The following MIX23 variants were observed in gnomAD, a reference collection of about 807,000 sequenced individuals.
The protein encoded by MIX23 is protein MIX23.
Under a neutral mutation model 21.6 loss-of-function variants are expected in MIX23, and 13 were observed. The observed-to-expected ratio is 0.60, with a 90% CI of 0.39 to 0.96. MIX23 has a LOEUF of 0.96. Ranked by LOEUF, MIX23 falls within the 40% of genes least tolerant of loss-of-function variation. The probability of loss-of-function intolerance (pLI) is 0.00; values close to 1 mark genes in which losing one functional copy is unlikely to be tolerated. For missense variants in MIX23, 144 were observed against 171.2 expected (o/e 0.84, Z 0.89); for synonymous variants, 59 against 58.0 (o/e 1.02, Z -0.08).
In MIX23 at chr3:122,362,966, A is replaced by G. The variant is rs1576229388; in HGVS notation, c.384+2T>C. 1.2e-6 allele frequency: 2 copies of G among 1,612,522 alleles called. No homozygotes were observed. Among genetic ancestry groups the G allele is most frequent in the Non-Finnish European group, 1.7e-6 (2 of 1,178,938 alleles). On this transcript the variant is annotated splice_donor_variant, in intron 4 of 4. Coordinates refer to ENST00000291458, the MANE Select transcript of MIX23 (RefSeq NM_001017928.4). LOFTEE classifies it high-confidence loss of function. ...TTTCCAAACACCAACATTATTTTAT[A>G]CCTTCCAGCTCCTGTCATTTACCAC... is the stretch of plus-strand genomic sequence containing the variant.
intron 4 of MIX23, among the ~76,000 whole-genome samples, chr3:122,361,920 T>C (rs1411416017): frequency 1.3e-5 from 2 of 152,226 alleles, no homozygotes; most frequent in African/African-American, 2.4e-5. Flanking sequence ...ACCTCTCTTA[T>C]AAGCATATAG....
At chr3:122,360,718 A>C (rs1418020353) in intron 4 of MIX23, among the ~76,000 whole-genome samples, 2 of 152,204 alleles carry the variant, frequency 1.3e-5, no homozygotes, top group Non-Finnish European at 2.9e-5. Flanking sequence ...TCATTAATGT[A>C]AAGAACAAAT....
intron 2 of MIX23, among the ~76,000 whole-genome samples, chr3:122,370,080 T>C (rs2075429325): frequency 1.3e-5 from 2 of 152,194 alleles, no homozygotes; most frequent in South Asian, 4.1e-4. Context: ...CACTTAGTAC[T>C]GTAAGCACTT....
chr3:122,362,651 ATTT>A (rs2075366193), intron 4 of MIX23, among the ~76,000 whole-genome samples: 1 of 151,708 alleles, frequency 6.6e-6, no homozygotes. Context: ...TAATTTTTGT[ATTT>A]TTAGTAGACA....
intron 1 of MIX23, among the ~76,000 whole-genome samples, chr3:122,376,927 G>A (rs2075491995): frequency 6.6e-6 from 1 of 152,062 alleles, no homozygotes; most frequent in African/African-American, 2.4e-5. Context: ...GCTCACACCT[G>A]TAATCCCAGC....
intron 3 of MIX23, among the ~76,000 whole-genome samples, chr3:122,363,728 A>T (rs1281298084): frequency 1.3e-5 from 2 of 151,834 alleles, no homozygotes; most frequent in Non-Finnish European, 2.9e-5. Context: ...TTAACCATAC[A>T]GTCAGAGGTC....
chr3:122,362,216 T>C (rs532047898), intron 4 of MIX23, among the ~76,000 whole-genome samples: 22 of 152,284 alleles, frequency 1.4e-4, no homozygotes, highest in African/African-American at 5.3e-4. Flanking sequence ...TAAAACTACA[T>C]ATAATAACAA....
At chr3:122,371,032 T>C (rs930687310) in intron 2 of MIX23, among the ~76,000 whole-genome samples, 1 of 152,222 alleles carries the variant, frequency 6.6e-6, no homozygotes, top group African/African-American at 2.4e-5. Context: ...GCAAGTGTCA[T>C]TTGAACTTTA....
At chr3:122,361,144 C>A (rs894823971) in intron 4 of MIX23, among the ~76,000 whole-genome samples, 1 of 152,170 alleles carries the variant, frequency 6.6e-6, no homozygotes, top group Non-Finnish European at 1.5e-5. Flanking sequence ...TAAAGTGCTG[C>A]GCCTGACCTA....
Position 122,370,492 on chromosome 3 carries a change from G to A in MIX23, c.177+1183C>T, listed in dbSNP as rs2075433205. On this transcript the variant is annotated intron_variant, in intron 2 of 4. Transcript: ENST00000291458. ...AAAAAAAAAAAAAAACTGAGGCAGA[G>A]GTTATGTGACATAATCAAGGTTACC... Among the ~76,000 whole-genome samples the A allele has an allele frequency of 2.0e-5, 3 of 149,432 alleles. No homozygotes were observed. In the South Asian group the frequency reaches 6.3e-4, roughly 32 times the overall value.
rs1286632742 is a variant in MIX23 at position 122,362,960 on chromosome 3, T to C, written c.384+8A>G. 1 of 1,612,236 alleles carries C rather than the reference T, an allele frequency of 6.2e-7. No individual in the cohort carries two copies. Among genetic ancestry groups the C allele is most frequent in the Non-Finnish European group, 8.5e-7 (1 of 1,178,556 alleles). Reference sequence around the variant, plus strand: ...TACTTCTTTCCAAACACCAACATTATTTTATACCTTCCAGCTCCTGTCATT... The same window carrying C: ...TACTTCTTTCCAAACACCAACATTACTTTATACCTTCCAGCTCCTGTCATT... On this transcript the variant is annotated splice_region_variant and intron_variant, in intron 4 of 4. Coordinates refer to ENST00000291458, the MANE Select transcript of MIX23 (RefSeq NM_001017928.4).
At chr3:122,371,531 A>T (rs949401974) in intron 2 of MIX23, 144 bp downstream of exon 2, 1 of 914,020 alleles carries the variant, frequency 1.1e-6, no homozygotes, top group Non-Finnish European at 1.7e-6. Flanking sequence ...TAGTAACCAG[A>T]TCAAAACTTA....
intron 3 of MIX23, chr3:122,365,627 C>G (rs1422453035): frequency 6.6e-6 from 1 of 152,212 alleles, no homozygotes; most frequent in Non-Finnish European, 1.5e-5. Flanking sequence ...GTGATTCTAT[C>G]TGGGCCCTAA....
At chr3:122,363,811 C>T (rs2075377071) in intron 3 of MIX23, among the ~76,000 whole-genome samples, 1 of 148,654 alleles carries the variant, frequency 6.7e-6, no homozygotes, top group African/African-American at 2.6e-5. Flanking sequence ...AGAAAAGTAG[C>T]CAATTCCATT....
chr3:122,360,506 C>A (rs1320688076), intron 4 of MIX23, among the ~76,000 whole-genome samples: 1 of 151,996 alleles, frequency 6.6e-6, no homozygotes, highest in East Asian at 1.9e-4. Context: ...AAGCATATAC[C>A]ATCTTTCAGA....
In MIX23 at chr3:122,372,434, T is replaced by C. The variant is rs564844622; in HGVS notation, c.52-634A>G. On this transcript the variant is annotated intron_variant, in intron 1 of 4. Coordinates refer to ENST00000291458, the MANE Select transcript of MIX23 (RefSeq NM_001017928.4). ...TCTGGGAGAAGTTTCTGGCAGTATATCTTTCTCTTTCTTTTTAGTTTCTCA... is the reference window on the plus strand; with the variant it reads ...TCTGGGAGAAGTTTCTGGCAGTATACCTTTCTCTTTCTTTTTAGTTTCTCA... Among the ~76,000 whole-genome samples the C allele has an allele frequency of 1.8e-4, 21 of 118,580 alleles. No homozygotes were observed. In the East Asian group the frequency reaches 7.9e-3, roughly 45 times the overall value. 77.8% of individuals were successfully genotyped at this position (118,580 alleles called of 152,430 possible).
intron 4 of MIX23, among the ~76,000 whole-genome samples, chr3:122,361,855 T>G (rs941185475): frequency 7.2e-5 from 11 of 152,194 alleles, no homozygotes; most frequent in African/African-American, 2.4e-5. Context: ...CAATTTGTAT[T>G]TTGCAATGTG....
At chr3:122,367,932 T>A in intron 3 of MIX23, 1 of 480,444 alleles carries the variant, frequency 2.1e-6, no homozygotes. Flanking sequence ...TGAAAATAAA[T>A]TATGACTGTG....
chr3:122,365,307 T>G (rs1232989315), intron 3 of MIX23: 3 of 152,206 alleles, frequency 2.0e-5, no homozygotes, highest in Non-Finnish European at 4.4e-5. Context: ...TCAGAAGAGA[T>G]GGGTTAAAGT....
Sources: gnomAD v4.1 joint callset for allele counts (sites outside exome capture counted in the v4.1 genomes callset) on GRCh38, gnomAD v4.1.1 for gene constraint, MANE v1.5 for transcripts, NCBI Gene and HGNC (gene_info 2026-07-23, HGNC 2026-07-21) for gene names.